The following BZW2 variants were observed in gnomAD, a reference collection of about 807,000 sequenced individuals.
The protein encoded by BZW2 is eIF5-mimic protein 1.
BZW2 carries 23 observed loss-of-function variants against 53.2 expected under a neutral mutation model. The observed-to-expected ratio is 0.43, with a 90% confidence interval of 0.31 to 0.61. The LOEUF is 0.61. Among genes scored for constraint, BZW2 ranks in the 20% least tolerant of loss-of-function variants. The pLI is 0.09. For missense variants in BZW2, 409 were observed against 503.1 expected (o/e 0.81, Z 1.79); for synonymous variants, 227 against 186.4 (o/e 1.22, Z -1.77).
At chr7:16,682,926 G>A (rs987728783) in intron 5 of BZW2, 81 bp downstream of exon 5, 9 of 924,108 alleles carry the variant, frequency 9.7e-6, no homozygotes, top group East Asian at 3.1e-5. Flanking sequence ...GGCCGGACAC[G>A]GTGGCTCACG....
intron 4 of BZW2, 107 bp from the exon 5 acceptor site, chr7:16,682,673 A>C: frequency 1.8e-6 from 1 of 547,510 alleles, no homozygotes; most frequent in Non-Finnish European, 3.0e-6. Context: ...CTGTTTAACT[A>C]TACACTTTTA....
At chr7:16,656,825 A>G (rs1248037908) in intron 1 of BZW2, among the ~76,000 whole-genome samples, 1 of 152,136 alleles carries the variant, frequency 6.6e-6, no homozygotes, top group Non-Finnish European at 1.5e-5. Flanking sequence ...ATTTTTTTGA[A>G]TGGGTTATTA....
chr7:16,654,739 A>G (rs1403321150), intron 1 of BZW2, among the ~76,000 whole-genome samples: 1 of 150,146 alleles, frequency 6.7e-6, no homozygotes, highest in African/African-American at 2.5e-5. Flanking sequence ...CGGTTTCACC[A>G]TGTTGCCCAG....
chr7:16,699,661 G>A (rs1394832621), intron 10 of BZW2, among the ~76,000 whole-genome samples: 1 of 151,932 alleles, frequency 6.6e-6, no homozygotes, highest in Non-Finnish European at 1.5e-5. Context: ...ATCTTCAGGA[G>A]CACCCTATCG....
intron 1 of BZW2, among the ~76,000 whole-genome samples, chr7:16,647,884 C>T (rs1204703275): frequency 6.6e-6 from 1 of 152,150 alleles, no homozygotes; most frequent in East Asian, 1.9e-4. Context: ...CAAATCTGGG[C>T]CATGGTTACT....
At chr7:16,698,012 G>A (rs746681432) in intron 9 of BZW2, 36 bp from the exon 10 acceptor site, 13 of 1,612,186 alleles carry the variant, frequency 8.1e-6, no homozygotes, top group African/African-American at 5.3e-5. Context: ...TACCTCCCAC[G>A]CAAGTGACGG....
chr7:16,649,583 T>G (rs2128349244), intron 1 of BZW2, among the ~76,000 whole-genome samples: 1 of 152,366 alleles, frequency 6.6e-6, no homozygotes, highest in African/African-American at 2.4e-5. Context: ...TGCTGCCTTT[T>G]TGTTGCATTT....
At chr7:16,697,121 G>GTTTT in intron 9 of BZW2, 60 bp downstream of exon 9, 3 of 1,546,620 alleles carry the variant, frequency 1.9e-6, no homozygotes, top group Non-Finnish European at 2.6e-6. Flanking sequence ...TTTTTTGTTT[G>GTTTT]TTTGTTTGTT....
intron 2 of BZW2, among the ~76,000 whole-genome samples, chr7:16,668,356 T>C (rs919495887): frequency 2.6e-5 from 4 of 152,318 alleles, no homozygotes; most frequent in Admixed American, 1.3e-4. Flanking sequence ...GTCAAGATTG[T>C]GCTGTTGGAG....
chr7:16,673,228 G>T (rs1222026166), intron 2 of BZW2, among the ~76,000 whole-genome samples: 1 of 152,146 alleles, frequency 6.6e-6, no homozygotes, highest in East Asian at 1.9e-4. Flanking sequence ...TTACAGGCGT[G>T]AGCCACCACG....
intron 1 of BZW2, among the ~76,000 whole-genome samples, chr7:16,656,932 A>AT (rs370641776): frequency 1.2e-3 from 182 of 151,346 alleles, no homozygotes; most frequent in African/African-American, 4.1e-3. Flanking sequence ...ATCTAGCTTG[A>AT]TTTTTTTTTA....
chr7:16,703,183 C>G (rs778694762), intron 10 of BZW2, among the ~76,000 whole-genome samples: 2 of 152,110 alleles, frequency 1.3e-5, no homozygotes, highest in Non-Finnish European at 2.9e-5. Context: ...TAACTAGAAG[C>G]TAAGAATAAG....
At chr7:16,685,435 G>T (rs1783084737) in intron 5 of BZW2, among the ~76,000 whole-genome samples, 1 of 151,394 alleles carries the variant, frequency 6.6e-6, no homozygotes, top group Non-Finnish European at 1.5e-5. Flanking sequence ...GTTTGTGTGG[G>T]GCTTTTTTTT....
intron 1 of BZW2, among the ~76,000 whole-genome samples, chr7:16,663,450 G>A (rs1782326965): frequency 6.6e-6 from 1 of 151,898 alleles, no homozygotes; most frequent in African/African-American, 2.4e-5. Flanking sequence ...TGTTTTATGT[G>A]ACTTTTGATT....
At chr7:16,668,475 A>G (rs934470041) in intron 2 of BZW2, among the ~76,000 whole-genome samples, 10 of 152,014 alleles carry the variant, frequency 6.6e-5, no homozygotes, top group African/African-American at 2.4e-4. Context: ...TTTGTGCCAA[A>G]CTCCTGATGG....
intron 2 of BZW2, among the ~76,000 whole-genome samples, chr7:16,671,682 G>A (rs953723182): frequency 2.0e-5 from 3 of 152,128 alleles, no homozygotes; most frequent in African/African-American, 7.2e-5. Flanking sequence ...TGTAATCCGA[G>A]TACTTTGGGA....
At chr7:16,656,272 T>C (rs1236574205) in intron 1 of BZW2, among the ~76,000 whole-genome samples, 1 of 152,128 alleles carries the variant, frequency 6.6e-6, no homozygotes, top group East Asian at 1.9e-4. Flanking sequence ...TTATCATTGA[T>C]GAAGAATACA....
chr7:16,699,683 T>A (rs1425504410), intron 10 of BZW2, among the ~76,000 whole-genome samples: 1 of 152,170 alleles, frequency 6.6e-6, no homozygotes, highest in Non-Finnish European at 1.5e-5. Flanking sequence ...ATTATTGTAA[T>A]GAAATCACAA....
At chr7:16,660,589 G>A (rs1292354771) in intron 1 of BZW2, among the ~76,000 whole-genome samples, 1 of 151,892 alleles carries the variant, frequency 6.6e-6, no homozygotes, top group Non-Finnish European at 1.5e-5. Flanking sequence ...CTATTCTTTA[G>A]ATGTATTTTT....
Sources: gnomAD v4.1 joint callset for allele counts (sites outside exome capture counted in the v4.1 genomes callset) on GRCh38, gnomAD v4.1.1 for gene constraint, MANE v1.5 for transcripts, NCBI Gene and HGNC (gene_info 2026-07-23, HGNC 2026-07-21) for gene names.